PRDM16: variants seen among roughly 807,000 people sequenced by gnomAD.
PRDM16 encodes the protein histone-lysine N-methyltransferase PRDM16.
Under a neutral mutation model 110.6 loss-of-function variants are expected in PRDM16, and 23 were observed. That is an observed-to-expected ratio of 0.21 (90% confidence interval 0.15 to 0.29). PRDM16 has a LOEUF of 0.29. Ranked by LOEUF, PRDM16 falls within the 10% of genes least tolerant of loss-of-function variation. The pLI is 1.00. For missense variants in PRDM16, 1,615 were observed against 1,794.3 expected (o/e 0.90, Z 1.81); for synonymous variants, 799 against 781.8 (o/e 1.02, Z -0.37).
In PRDM16 at chr1:3,148,279, C is replaced by T. The variant is rs1219618156; in HGVS notation, c.38-37846C>T. On this transcript the variant is annotated intron_variant, in intron 1 of 16. Transcript: ENST00000270722. This position sits in a 1 kb window ranked among gnomAD's most constrained non-coding sequence, Gnocchi z 5.0. ...CCTGGTGGCCCTGGTGAGAGCAGGT[C>T]GGGTGCCAGGACAGAGCAGCCACAG... is the stretch of plus-strand genomic sequence containing the variant. Among the ~76,000 whole-genome samples, 1 of 152,094 alleles carries T rather than the reference C, an allele frequency of 6.6e-6. No homozygotes were observed.
At chr1:3,079,462 G>A (rs1449600611) in intron 1 of PRDM16, among the ~76,000 whole-genome samples, 1 of 152,128 alleles carries the variant, frequency 6.6e-6, no homozygotes, top group Non-Finnish European at 1.5e-5. Context: ...CTTTCGGAGG[G>A]AAGCCTGTAA....
chr1:3,221,848 T>C (rs1639157994), intron 2 of PRDM16, among the ~76,000 whole-genome samples: 1 of 152,250 alleles, frequency 6.6e-6, no homozygotes, highest in African/African-American at 2.4e-5. Context: ...CACACACATA[T>C]ACAATTTCCT....
intron 12 of PRDM16, among the ~76,000 whole-genome samples, chr1:3,422,472 G>A (rs146796478): frequency 9.0e-4 from 137 of 152,368 alleles, no homozygotes; most frequent in African/African-American, 3.2e-3. Context: ...GCTGGGCAGA[G>A]CCTGAATGCT....
chr1:3,084,795 T>G (rs1017743929), intron 1 of PRDM16, among the ~76,000 whole-genome samples: 1 of 152,142 alleles, frequency 6.6e-6, no homozygotes, highest in Non-Finnish European at 1.5e-5. Context: ...GCGTCCCCCT[T>G]GGATCACAAA....
chr1:3,161,745 A>T (rs1643898757), intron 1 of PRDM16, among the ~76,000 whole-genome samples: 1 of 152,184 alleles, frequency 6.6e-6, no homozygotes, highest in South Asian at 2.1e-4. Flanking sequence ...AGGTTGGTGG[A>T]GGGATTTTTG....
At chr1:3,312,449 G>T in intron 3 of PRDM16, among the ~76,000 whole-genome samples, 1 of 152,350 alleles carries the variant, frequency 6.6e-6, no homozygotes, top group Non-Finnish European at 1.5e-5. Context: ...TGTCCTGGAG[G>T]CTGGCCGCCC....
Position 3,146,686 on chromosome 1 carries a change from C to T in PRDM16, c.38-39439C>T, listed in dbSNP as rs140469881. Among the ~76,000 whole-genome samples, 840 of 111,048 alleles carry T rather than the reference C, an allele frequency of 7.6e-3. 14 individuals carry two copies. The highest frequency in any genetic ancestry group is 0.027 in the African/African-American group (762 of 27,834). The allele number at this position is 111,048 out of a possible 152,430, so 72.9% of individuals were successfully genotyped here. ...GTGCTCAGTGTGGGGTGTGTGTGCA[C>T]GTGTGTTTGGTGTGGGGTGTGTCTG... On this transcript the variant is annotated intron_variant, in intron 1 of 16. Coordinates refer to ENST00000270722, the MANE Select transcript of PRDM16 (RefSeq NM_022114.4).
intron 1 of PRDM16, among the ~76,000 whole-genome samples, chr1:3,115,686 G>A (rs1642941281): frequency 1.3e-5 from 2 of 152,206 alleles, no homozygotes; most frequent in Admixed American, 6.5e-5. Context: ...CTGACCGGGG[G>A]CTGCCGCTGG....
rs758443711 is a variant in PRDM16 at position 3,402,943 on chromosome 1, A to C, written c.829A>C (p.Ser277Arg). Reference protein sequence around the residue: ...ELKPEGLGGGSGQAHECKDCE... With the variant: ...ELKPEGLGGGRGQAHECKDCE... Reference sequence around the variant, plus strand: ...CAAGCCCGAGGGCCTTGGCGGTGGCAGCGGCCAAGCCCACGAGTGCAAGGA... The same window carrying C: ...CAAGCCCGAGGGCCTTGGCGGTGGCCGCGGCCAAGCCCACGAGTGCAAGGA... Residue 277 changes from serine to arginine, a missense_variant, in exon 6 of 17, where the codon AGC becomes CGC. By Grantham distance (110) the Ser-to-Arg change is moderately radical (BLOSUM62 -1). Coordinates refer to ENST00000270722, the MANE Select transcript of PRDM16 (RefSeq NM_022114.4). The C allele has an allele frequency of 3.7e-6, 6 of 1,612,634 alleles. No homozygotes were observed. Among genetic ancestry groups the C allele is most frequent in the Admixed American group, 3.3e-5 (2 of 60,008 alleles).
rs963782081 is a variant in PRDM16, at chr1:3,350,151, C to T, written c.439-35001C>T. Among the ~76,000 whole-genome samples, 2 of 152,146 alleles carry T rather than the reference C, an allele frequency of 1.3e-5. No individual in the cohort carries two copies. The highest frequency in any genetic ancestry group is 4.8e-5 in the African/African-American group (2 of 41,436). On this transcript the variant is annotated intron_variant, in intron 3 of 16. Coordinates refer to ENST00000270722, the MANE Select transcript of PRDM16 (RefSeq NM_022114.4). The surrounding 1 kb of genome is among the most constrained non-coding windows in gnomAD (Gnocchi z 7.1). ...GGCCAGCCTGGACAACATAGCAAGA[C>T]CCTATCTCTACAAAAAATACAAAAA...
intron 1 of PRDM16, among the ~76,000 whole-genome samples, chr1:3,118,010 GTGTGTGCA>G (rs755878233): frequency 3.8e-4 from 57 of 151,360 alleles, no homozygotes; most frequent in Admixed American, 1.7e-3. Flanking sequence ...GTGCGTGTGC[GTGTGTGCA>G]TGTGTACATG....
chr1:3,326,882 C>G (rs1165466605), intron 3 of PRDM16, among the ~76,000 whole-genome samples: 1 of 152,270 alleles, frequency 6.6e-6, no homozygotes, highest in Non-Finnish European at 1.5e-5. Flanking sequence ...CTCAGCCTCA[C>G]TAGGCACAAT....
At chr1:3,070,808 C>T (rs1641737054) in intron 1 of PRDM16, among the ~76,000 whole-genome samples, 1 of 152,224 alleles carries the variant, frequency 6.6e-6, no homozygotes, top group Non-Finnish European at 1.5e-5. Context: ...GGAAAAGCAG[C>T]TCCCGAGTTT....
chr1:3,270,606 G>T, intron 3 of PRDM16, among the ~76,000 whole-genome samples: 1 of 149,468 alleles, frequency 6.7e-6, no homozygotes, highest in Non-Finnish European at 1.5e-5. Flanking sequence ...CAGTCGGGAG[G>T]AGGACAGTCC....
chr1:3,412,862 G>C (rs1002524838), intron 9 of PRDM16, 62 bp downstream of exon 9: 1 of 1,325,428 alleles, frequency 7.5e-7, no homozygotes, highest in African/African-American at 1.5e-5. Flanking sequence ...TGCTGGGCGG[G>C]CTCAGTGCAT....
intron 8 of PRDM16, among the ~76,000 whole-genome samples, chr1:3,409,092 TG>T (rs200259837): frequency 0.012 from 1,760 of 148,684 alleles, 19 homozygotes; most frequent in Non-Finnish European, 0.019. Flanking sequence ...TGTGGGCGCG[TG>T]TCTGTGAGTG....
In PRDM16 at chr1:3,069,552, C is replaced by A. The variant is rs966924920; in HGVS notation, c.37+256C>A. Among the ~76,000 whole-genome samples, 28 of 149,232 alleles carry A rather than the reference C, an allele frequency of 1.9e-4. No individual in the cohort carries two copies. The highest frequency in any genetic ancestry group is 8.4e-4 in the South Asian group (4 of 4,778). ...CTCCCCGCGGAACCCCCTCCCCCCC[C>A]ACCAGTGTCAGGCGCTCGGGCCCGG... On this transcript the variant is annotated intron_variant, in intron 1 of 16. Transcript: ENST00000270722. This position sits in a 1 kb window ranked among gnomAD's most constrained non-coding sequence, Gnocchi z 6.1.
At chr1:3,428,696 G>A (rs182395964) in intron 14 of PRDM16, among the ~76,000 whole-genome samples, 1 of 152,340 alleles carries the variant, frequency 6.6e-6, no homozygotes, top group Admixed American at 6.5e-5. Flanking sequence ...GAAGGATCCA[G>A]TTCTGTCAGG....
intron 2 of PRDM16, chr1:3,207,042 G>C (rs756821812): frequency 1.8e-4 from 28 of 152,388 alleles, no homozygotes; most frequent in Admixed American, 7.8e-4. Context: ...ATGGGATGCA[G>C]AGCAGAGGAG....
Sources: allele counts gnomAD v4.1 joint callset (sites outside exome capture counted in the v4.1 genomes callset), GRCh38; gene constraint gnomAD v4.1.1; non-coding constraint Gnocchi (gnomAD v3.1); transcripts MANE v1.5; gene names NCBI Gene and HGNC (gene_info 2026-07-23, HGNC 2026-07-21).